Variants in COL22A1 observed in about 807,000 individuals in gnomAD.
The protein encoded by COL22A1 is collagen type XXII alpha 1 chain, also known as collagen alpha-1(XXII) chain.
COL22A1 carries 221 observed loss-of-function variants against 248.9 expected under a neutral mutation model. The observed-to-expected ratio is 0.89, with a 90% confidence interval of 0.80 to 0.99. COL22A1 has a LOEUF of 0.99. Ranked by LOEUF, COL22A1 falls within the 50% of genes least tolerant of loss-of-function variation. COL22A1 has a pLI of 0.00. For synonymous variants in COL22A1, 891 were observed against 793.4 expected, an observed-to-expected ratio of 1.12 and a Z score of -2.07; for missense variants, 2,240 against 2,179.0, an observed-to-expected ratio of 1.03 and a Z score of -0.56.
At position 138,787,739 on chromosome 8, in the gene COL22A1, T is replaced by C. The variant is rs143436443; in HGVS notation, c.1597-6759A>G. ...CTCAAAATCAGGGCTTGGCTCCAAGTCCAGGCTCTGACCTGTCTTCCACCC... is the reference window on the plus strand; with the variant it reads ...CTCAAAATCAGGGCTTGGCTCCAAGCCCAGGCTCTGACCTGTCTTCCACCC... On this transcript the variant is annotated intron_variant, in intron 12 of 64. Coordinates refer to ENST00000303045, the MANE Select transcript of COL22A1 (RefSeq NM_152888.3). 2.4e-3 allele frequency among the ~76,000 whole-genome samples: 370 copies of C among 152,222 alleles called. 4 individuals are homozygous for C. The highest frequency in any genetic ancestry group is 8.2e-3 in the African/African-American group (341 of 41,546).
At chr8:138,728,637 A>G (rs182220060) in intron 23 of COL22A1, among the ~76,000 whole-genome samples, 1 of 151,958 alleles carries the variant, frequency 6.6e-6, no homozygotes, top group Admixed American at 6.5e-5. Flanking sequence ...ATAGCACGTT[A>G]GAGGTGATGG....
intron 60 of COL22A1, among the ~76,000 whole-genome samples, chr8:138,601,294 A>G (rs990942190): frequency 6.6e-6 from 1 of 152,112 alleles, no homozygotes; most frequent in African/African-American, 2.4e-5. Flanking sequence ...AGGAAGATCC[A>G]GGGGGGAGAA....
At position 138,759,440 on chromosome 8, in the gene COL22A1, A is replaced by G. The variant is rs775064841; in HGVS notation, c.1902+803T>C. Among the ~76,000 whole-genome samples the G allele has an allele frequency of 2.0e-5, 3 of 152,108 alleles. No homozygotes were observed. The South Asian group carries it at 6.2e-4, about 32-fold the overall frequency. ...CTTCTCTCTCCCCAGTTATTCTCCA[A>G]CCCAATGTCTGATGCCTTCCTAAGG... is the stretch of plus-strand genomic sequence containing the variant. On this transcript the variant is annotated intron_variant, in intron 18 of 64. Transcript: ENST00000303045.
intron 23 of COL22A1, among the ~76,000 whole-genome samples, chr8:138,729,427 G>A (rs948626680): frequency 2.0e-5 from 3 of 152,168 alleles, no homozygotes; most frequent in African/African-American, 7.2e-5. Context: ...CTGGTTCCAT[G>A]CTATGCACAC....
intron 4 of COL22A1, among the ~76,000 whole-genome samples, chr8:138,840,970 A>C (rs1343111017): frequency 2.0e-5 from 3 of 152,194 alleles, no homozygotes; most frequent in Non-Finnish European, 4.4e-5. Flanking sequence ...TGACAAGAAA[A>C]GCTTTAAATT....
intron 1 of COL22A1, among the ~76,000 whole-genome samples, chr8:138,908,508 G>T (rs16909799): frequency 0.3 from 45,066 of 152,110 alleles, 7,086 homozygotes; most frequent in African/African-American, 0.41. Flanking sequence ...TCTTATTCAC[G>T]TATGGCAGTC....
At chr8:138,901,719 A>G (rs1814586870) in intron 1 of COL22A1, among the ~76,000 whole-genome samples, 1 of 151,958 alleles carries the variant, frequency 6.6e-6, no homozygotes, top group South Asian at 2.1e-4. Context: ...CATAAATATG[A>G]TCGTTAAGAC....
chr8:138,747,426 T>C (rs767400713), intron 22 of COL22A1, among the ~76,000 whole-genome samples: 3 of 152,200 alleles, frequency 2.0e-5, no homozygotes, highest in African/African-American at 4.8e-5. Flanking sequence ...AAAGTCCTTA[T>C]AATGACCCAC....
chr8:138,883,253 A>T lies in COL22A1; in HGVS notation c.-72-9T>A. 7.3e-7 allele frequency: 1 copy of T among 1,367,646 alleles called. No individual in the cohort carries two copies. The highest frequency in any genetic ancestry group is 2.1e-5 in the Admixed American group (1 of 48,772). The allele number at this position is 1,367,646 out of a possible 1,614,324, so 84.7% of individuals were successfully genotyped here. On this transcript the variant is annotated splice_polypyrimidine_tract_variant and intron_variant, in intron 1 of 64. Coordinates refer to ENST00000303045, the MANE Select transcript of COL22A1 (RefSeq NM_152888.3). Reference sequence around the variant, plus strand: ...GTCTACAGCAGCATGGCCTGTGTGGAGAAAGACACCCTTAGAGAAGGCTCT... The same window carrying T: ...GTCTACAGCAGCATGGCCTGTGTGGTGAAAGACACCCTTAGAGAAGGCTCT...
chr8:138,887,864 C>T (rs781059909), intron 1 of COL22A1, among the ~76,000 whole-genome samples: 4 of 152,094 alleles, frequency 2.6e-5, no homozygotes, highest in South Asian at 2.1e-4. Flanking sequence ...TGGGAGTGTG[C>T]GGGTGCTCCT....
intron 1 of COL22A1, among the ~76,000 whole-genome samples, chr8:138,906,336 C>T (rs929475438): frequency 6.7e-6 from 1 of 149,092 alleles, no homozygotes; most frequent in Non-Finnish European, 1.5e-5. Flanking sequence ...TGCCACTGCA[C>T]TCCAGCCTGG....
intron 17 of COL22A1, among the ~76,000 whole-genome samples, chr8:138,761,245 C>T (rs1026636061): frequency 1.3e-5 from 2 of 152,130 alleles, no homozygotes; most frequent in African/African-American, 2.4e-5. Flanking sequence ...CATCACCAAG[C>T]GGGTATTTCC....
intron 3 of COL22A1, among the ~76,000 whole-genome samples, chr8:138,876,545 A>C (rs1823731633): frequency 6.6e-6 from 1 of 152,230 alleles, no homozygotes; most frequent in African/African-American, 2.4e-5. Flanking sequence ...TGAATAAATA[A>C]GTGGAGATTA....
intron 50 of COL22A1, 100 bp from the exon 51 acceptor site, chr8:138,626,343 G>C: frequency 1.0e-6 from 1 of 954,134 alleles, no homozygotes; most frequent in Non-Finnish European, 1.7e-6. Flanking sequence ...GGGGGAGTGA[G>C]TGTTTGGTGA....
intron 47 of COL22A1, among the ~76,000 whole-genome samples, chr8:138,641,365 T>C (rs1231270962): frequency 6.6e-6 from 1 of 152,128 alleles, no homozygotes; most frequent in Non-Finnish European, 1.5e-5. Context: ...TACTGGTTGG[T>C]GAACATGCTA....
At chr8:138,830,642 CG>C (rs1819971296) in intron 5 of COL22A1, among the ~76,000 whole-genome samples, 1 of 152,192 alleles carries the variant, frequency 6.6e-6, no homozygotes, top group Non-Finnish European at 1.5e-5. Context: ...TGCCTGAATT[CG>C]GCCGCTTTGC....
At chr8:138,727,080 G>A (rs1830376086) in intron 23 of COL22A1, among the ~76,000 whole-genome samples, 3 of 152,076 alleles carry the variant, frequency 2.0e-5, no homozygotes, top group African/African-American at 4.8e-5. Context: ...GCAGGGACCC[G>A]CTCATTTTAG....
chr8:138,868,658 T>C (rs11991356), intron 3 of COL22A1, among the ~76,000 whole-genome samples: 60,401 of 151,884 alleles, frequency 0.4, 14,897 homozygotes, highest in African/African-American at 0.69. Context: ...GCCATCACTG[T>C]ATCAAGAGTT....
chr8:138,627,236 CT>C (rs1820319012), intron 50 of COL22A1, among the ~76,000 whole-genome samples: 1 of 152,092 alleles, frequency 6.6e-6, no homozygotes, highest in African/African-American at 2.4e-5. Flanking sequence ...ATGGAGCTTC[CT>C]GGGTTCCTTC....
Sources: gnomAD v4.1 joint callset for allele counts (sites outside exome capture counted in the v4.1 genomes callset) on GRCh38, gnomAD v4.1.1 for gene constraint, MANE v1.5 for transcripts, NCBI Gene and HGNC (gene_info 2026-07-23, HGNC 2026-07-21) for gene names.